Variants in ROBO1 observed in about 807,000 individuals in gnomAD.
ROBO1 encodes the protein roundabout guidance receptor 1, also known as roundabout homolog 1.
ROBO1 carries 149 observed loss-of-function variants against 195.9 expected under a neutral mutation model. That is an observed-to-expected ratio of 0.76 (90% confidence interval 0.67 to 0.87). The LOEUF (loss-of-function observed/expected upper bound fraction) is 0.87. Ranked by LOEUF, ROBO1 falls within the 40% of genes least tolerant of loss-of-function variation. ROBO1 has a pLI of 0.00. For synonymous variants in ROBO1, 816 were observed against 733.2 expected (o/e 1.11, Z -1.82); for missense variants, 1,933 against 2,068.3 (o/e 0.93, Z 1.27).
chr3:78,934,704 C>T (rs1019546728), intron 4 of ROBO1, among the ~76,000 whole-genome samples: 2 of 151,832 alleles, frequency 1.3e-5, no homozygotes, highest in Non-Finnish European at 2.9e-5. Context: ...ATGGGGGGAC[C>T]CAATTTCCAG....
rs148683848 is a variant in ROBO1 at position 79,707,871 on chromosome 3, G to T, written c.-51+59881C>A. ...TCAAAACACCAGTAATTTACATAAA[G>T]AATCCAAAGTTATTTGGAAAAAATA... is the stretch of plus-strand genomic sequence containing the variant. On this transcript the variant is annotated intron_variant, in intron 1 of 30. Coordinates refer to ENST00000464233, the MANE Select transcript of ROBO1 (RefSeq NM_002941.4). Among the ~76,000 whole-genome samples the T allele has an allele frequency of 1.8e-3, 270 of 152,198 alleles. 7 individuals are homozygous for T. The East Asian group carries it at 0.05, about 28-fold the overall frequency.
intron 2 of ROBO1, among the ~76,000 whole-genome samples, chr3:79,575,721 C>G (rs1158450320): frequency 6.6e-6 from 1 of 151,112 alleles, no homozygotes; most frequent in Non-Finnish European, 1.5e-5. Flanking sequence ...TCATGGCATT[C>G]TTCCAAGTAC....
chr3:79,367,257 A>T (rs2036013308), intron 2 of ROBO1, among the ~76,000 whole-genome samples: 1 of 152,112 alleles, frequency 6.6e-6, no homozygotes, highest in South Asian at 2.1e-4. Context: ...AGAAGGAGTT[A>T]GAGACTGACT....
intron 3 of ROBO1, among the ~76,000 whole-genome samples, chr3:79,015,342 T>G (rs974118973): frequency 1.3e-5 from 2 of 151,766 alleles, no homozygotes; most frequent in Non-Finnish European, 2.9e-5. Context: ...GAAACTTATT[T>G]AAAAAAGTTC....
intron 2 of ROBO1, among the ~76,000 whole-genome samples, chr3:79,171,098 C>A (rs1398368358): frequency 6.7e-6 from 1 of 150,256 alleles, no homozygotes; most frequent in Non-Finnish European, 1.5e-5. Context: ...TATATAATTT[C>A]ATTCACAATA....
chr3:79,170,032 G>C (rs886395703), intron 2 of ROBO1, among the ~76,000 whole-genome samples: 20 of 152,136 alleles, frequency 1.3e-4, no homozygotes, highest in Admixed American at 2.0e-4. Flanking sequence ...GAGAGCGAGA[G>C]AGAGAAAACA....
At chr3:79,082,907 G>A (rs555593351) in intron 3 of ROBO1, among the ~76,000 whole-genome samples, 31 of 152,176 alleles carry the variant, frequency 2.0e-4, no homozygotes, top group Non-Finnish European at 3.1e-4. Flanking sequence ...CCCTAGGAAC[G>A]AAACTGTCCT....
At chr3:79,705,736 G>A (rs992760423) in intron 1 of ROBO1, among the ~76,000 whole-genome samples, 2 of 151,878 alleles carry the variant, frequency 1.3e-5, no homozygotes, top group African/African-American at 4.8e-5. Flanking sequence ...GAGTTTTATG[G>A]GATTACACTG....
intron 2 of ROBO1, among the ~76,000 whole-genome samples, chr3:79,504,755 T>C (rs1940297634): frequency 6.6e-6 from 1 of 152,180 alleles, no homozygotes; most frequent in South Asian, 2.1e-4. Context: ...TCTTACTGCC[T>C]AGTTAACAGG....
At chr3:79,577,000 C>T (rs1053434283) in intron 2 of ROBO1, among the ~76,000 whole-genome samples, 13 of 152,154 alleles carry the variant, frequency 8.5e-5, no homozygotes, top group Admixed American at 7.9e-4. Context: ...GTTTCTTAAA[C>T]ATCTTTTCTT....
At chr3:79,678,515 T>C (rs1246802374) in intron 1 of ROBO1, among the ~76,000 whole-genome samples, 1 of 152,052 alleles carries the variant, frequency 6.6e-6, no homozygotes. Flanking sequence ...GTAGACACTT[T>C]AAAGAATACT....
At chr3:79,588,549 A>G (rs1017529801) in intron 2 of ROBO1, among the ~76,000 whole-genome samples, 3 of 151,730 alleles carry the variant, frequency 2.0e-5, no homozygotes, top group African/African-American at 4.8e-5. Context: ...ACACTTTCAT[A>G]TAAGTATCCT....
intron 1 of ROBO1, among the ~76,000 whole-genome samples, chr3:79,698,023 T>C (rs1947498547): frequency 1.3e-5 from 2 of 151,604 alleles, no homozygotes; most frequent in Admixed American, 1.3e-4. Flanking sequence ...GTTCTAAAAA[T>C]GTTTTGATAC....
intron 2 of ROBO1, among the ~76,000 whole-genome samples, chr3:79,453,986 G>A (rs2039531548): frequency 6.6e-6 from 1 of 151,990 alleles, no homozygotes; most frequent in Admixed American, 6.6e-5. Flanking sequence ...CCTCATACTT[G>A]GTCAGCCTAA....
intron 4 of ROBO1, among the ~76,000 whole-genome samples, chr3:78,899,598 A>C (rs947011210): frequency 6.6e-6 from 1 of 152,198 alleles, no homozygotes; most frequent in African/African-American, 2.4e-5. Context: ...CATTGCTATA[A>C]AGTAACAGGA....
Position 78,685,732 on chromosome 3 carries a change from G to T in ROBO1, c.1342+14C>A. On this transcript the variant is annotated intron_variant, in intron 10 of 30. Coordinates refer to ENST00000464233, the MANE Select transcript of ROBO1 (RefSeq NM_002941.4). ...AAACTTGGACATTTTGAAATAAAATGTTTTACACTTTACCATCTGTAACTT... is the reference window on the plus strand; with the variant it reads ...AAACTTGGACATTTTGAAATAAAATTTTTTACACTTTACCATCTGTAACTT... 6.3e-7 allele frequency: 1 copy of T among 1,576,182 alleles called. No homozygotes were observed. Among genetic ancestry groups the T allele is most frequent in the Non-Finnish European group, 8.7e-7 (1 of 1,153,592 alleles).
intron 3 of ROBO1, among the ~76,000 whole-genome samples, chr3:79,010,604 T>C (rs1042678954): frequency 4.6e-5 from 7 of 152,140 alleles, no homozygotes; most frequent in African/African-American, 1.2e-4. Context: ...ACTTGGGTTT[T>C]TTCATCATGT....
chr3:79,086,964 T>G (rs577187307), intron 3 of ROBO1, among the ~76,000 whole-genome samples: 16 of 152,238 alleles, frequency 1.1e-4, no homozygotes, highest in African/African-American at 3.6e-4. Context: ...TAAAGAGAAA[T>G]GTGATGAATA....
chr3:79,449,187 G>A (rs991816878), intron 2 of ROBO1, among the ~76,000 whole-genome samples: 8 of 151,964 alleles, frequency 5.3e-5, no homozygotes, highest in Admixed American at 2.0e-4. Context: ...AGCCATGATC[G>A]GGCCACTACA....
Sources: allele counts gnomAD v4.1 joint callset (sites outside exome capture counted in the v4.1 genomes callset), GRCh38; gene constraint gnomAD v4.1.1; transcripts MANE v1.5; gene names NCBI Gene and HGNC (gene_info 2026-07-23, HGNC 2026-07-21).